Variants in NARS2 observed in about 807,000 individuals in gnomAD.
The protein encoded by NARS2 is asparaginyl-tRNA synthetase 2, mitochondrial, also known as asparaginyl-tRNA synthetase.
Under a neutral mutation model 62.9 loss-of-function variants are expected in NARS2, and 60 were observed. That is an observed-to-expected ratio of 0.95 (90% CI 0.77 to 1.18). The LOEUF is 1.18. Ranked by LOEUF, NARS2 falls within the 50% of genes most tolerant of loss-of-function variation. The probability of loss-of-function intolerance (pLI) is 0.00; values close to 1 mark genes in which losing one functional copy is unlikely to be tolerated. For synonymous variants in NARS2, 196 were observed against 200.0 expected (o/e 0.98, Z 0.17); for missense variants, 619 against 576.4 (o/e 1.07, Z -0.76).
intron 11 of NARS2, among the ~76,000 whole-genome samples, chr11:78,455,290 G>T (rs1025613467): frequency 6.6e-6 from 1 of 151,972 alleles, no homozygotes; most frequent in Admixed American, 6.6e-5. Context: ...TTATAGCATA[G>T]AATTTTAATT....
intron 4 of NARS2, among the ~76,000 whole-genome samples, chr11:78,563,042 T>G (rs1430024194): frequency 1.3e-5 from 2 of 152,116 alleles, no homozygotes; most frequent in Non-Finnish European, 2.9e-5. Context: ...CAACTAATCC[T>G]AAGTATCACA....
intron 5 of NARS2, among the ~76,000 whole-genome samples, chr11:78,543,400 C>A (rs548474195): frequency 6.6e-6 from 1 of 152,214 alleles, no homozygotes; most frequent in Non-Finnish European, 1.5e-5. Flanking sequence ...GGTATTGGCC[C>A]TAAAGAGTAT....
intron 9 of NARS2, among the ~76,000 whole-genome samples, chr11:78,477,539 C>T (rs1859153743): frequency 6.6e-6 from 1 of 152,208 alleles, no homozygotes; most frequent in Admixed American, 6.6e-5. Context: ...ACTCTTGCCA[C>T]CATCCTGGTC....
chr11:78,566,561 C>G (rs1244533180), intron 3 of NARS2, among the ~76,000 whole-genome samples: 4 of 152,190 alleles, frequency 2.6e-5, no homozygotes, highest in African/African-American at 9.6e-5. Context: ...TATCCATTAG[C>G]TGTGAACCAC....
chr11:78,564,189 T>C (rs1856663427), intron 4 of NARS2, among the ~76,000 whole-genome samples: 1 of 151,908 alleles, frequency 6.6e-6, no homozygotes, highest in East Asian at 1.9e-4. Context: ...TGTGAGCCAC[T>C]GTGCCCAGTA....
At chr11:78,489,971 C>A (rs1390585023) in intron 7 of NARS2, among the ~76,000 whole-genome samples, 1 of 152,052 alleles carries the variant, frequency 6.6e-6, no homozygotes, top group Non-Finnish European at 1.5e-5. Flanking sequence ...CCCAGGAGTT[C>A]ATGGCTGAAG....
chr11:78,499,541 T>C (rs1221578770), intron 6 of NARS2, among the ~76,000 whole-genome samples: 1 of 152,222 alleles, frequency 6.6e-6, no homozygotes, highest in Non-Finnish European at 1.5e-5. Context: ...GAAATAATAG[T>C]TCACAGAAGG....
intron 5 of NARS2, among the ~76,000 whole-genome samples, chr11:78,543,481 T>C (rs1186248182): frequency 6.6e-6 from 1 of 152,224 alleles, no homozygotes; most frequent in East Asian, 1.9e-4. Flanking sequence ...TGAATTCTAA[T>C]GTCCAGACTA....
chr11:78,455,109 C>T (rs577338564), intron 11 of NARS2, among the ~76,000 whole-genome samples: 1 of 152,212 alleles, frequency 6.6e-6, no homozygotes, highest in South Asian at 2.1e-4. Context: ...CCAATCCATT[C>T]TATATGTCAG....
chr11:78,552,766 A>G (rs1289040743), intron 5 of NARS2, among the ~76,000 whole-genome samples: 2 of 152,114 alleles, frequency 1.3e-5, no homozygotes, highest in Non-Finnish European at 2.9e-5. Flanking sequence ...TTGATGTCTC[A>G]TGTCTCCCTA....
intron 7 of NARS2, among the ~76,000 whole-genome samples, chr11:78,479,583 G>GA (rs2135269689): frequency 6.6e-6 from 1 of 152,226 alleles, no homozygotes; most frequent in South Asian, 2.1e-4. Context: ...TTCTTAGAAG[G>GA]AAAAAAGTGA....
chr11:78,476,296 CT>C (rs1202067450), intron 9 of NARS2, among the ~76,000 whole-genome samples: 1 of 152,212 alleles, frequency 6.6e-6, no homozygotes, highest in Non-Finnish European at 1.5e-5. Flanking sequence ...TACTTGACCC[CT>C]GGTAGTCTAG....
At chr11:78,445,253 T>C (rs564231181) in intron 11 of NARS2, among the ~76,000 whole-genome samples, 1 of 152,224 alleles carries the variant, frequency 6.6e-6, no homozygotes, top group Non-Finnish European at 1.5e-5. Flanking sequence ...CTTAATATTT[T>C]AATTTGTATT....
chr11:78,540,079 A>G (rs1413885156), intron 5 of NARS2, among the ~76,000 whole-genome samples: 1 of 152,220 alleles, frequency 6.6e-6, no homozygotes, highest in Non-Finnish European at 1.5e-5. Context: ...TTAGTGCAAT[A>G]AAACTTAACC....
At chr11:78,475,703 C>A (rs1324363625) in intron 9 of NARS2, among the ~76,000 whole-genome samples, 1 of 149,756 alleles carries the variant, frequency 6.7e-6, no homozygotes, top group Non-Finnish European at 1.5e-5. Context: ...CTTAGGCAAT[C>A]CTCCCACCTT....
chr11:78,448,065 A>C (rs1374418773), intron 11 of NARS2, among the ~76,000 whole-genome samples: 2 of 152,186 alleles, frequency 1.3e-5, no homozygotes, highest in African/African-American at 2.4e-5. Context: ...CACTATAAAA[A>C]TGATAGATAA....
chr11:78,455,407 G>A (rs57241543), intron 11 of NARS2, among the ~76,000 whole-genome samples: 3,870 of 152,194 alleles, frequency 0.025, 168 homozygotes, highest in African/African-American at 0.089. Flanking sequence ...TAAAATATGT[G>A]TAAAAAGTAC....
At chr11:78,536,071 A>T (rs867321438) in intron 5 of NARS2, among the ~76,000 whole-genome samples, 6 of 152,208 alleles carry the variant, frequency 3.9e-5, no homozygotes, top group Non-Finnish European at 8.8e-5. Context: ...CATTTTGTTC[A>T]ACAATGGACT....
intron 11 of NARS2, among the ~76,000 whole-genome samples, chr11:78,455,069 T>C (rs1449570335): frequency 6.6e-6 from 1 of 152,212 alleles, no homozygotes; most frequent in Non-Finnish European, 1.5e-5. Flanking sequence ...GTCCCATAAT[T>C]ATCTTATGTG....
Sources: allele counts gnomAD v4.1 joint callset (sites outside exome capture counted in the v4.1 genomes callset), GRCh38; gene constraint gnomAD v4.1.1; transcripts MANE v1.5; gene names NCBI Gene and HGNC (gene_info 2026-07-23, HGNC 2026-07-21).